The following CA10 variants were observed in gnomAD, a reference collection of about 807,000 sequenced individuals.
The protein encoded by CA10 is carbonic anhydrase 10 (inactive).
Under a neutral mutation model 44.2 loss-of-function variants are expected in CA10, and 14 were observed. The ratio of observed to expected loss-of-function variants is 0.32; its 90% CI spans 0.21 to 0.50. CA10 has a LOEUF of 0.50. Ranked by LOEUF, CA10 falls within the 20% of genes least tolerant of loss-of-function variation. The probability of loss-of-function intolerance (pLI) is 0.99; values close to 1 mark genes in which losing one functional copy is unlikely to be tolerated. For synonymous variants in CA10, 159 were observed against 141.6 expected, an observed-to-expected ratio of 1.12 and a Z score of -0.87; for missense variants, 350 against 409.7, an observed-to-expected ratio of 0.85 and a Z score of 1.26.
chr17:51,981,071 G>A (rs926028786), intron 2 of CA10, among the ~76,000 whole-genome samples: 1 of 152,064 alleles, frequency 6.6e-6, no homozygotes, highest in African/African-American at 2.4e-5. Flanking sequence ...ATACATTGCT[G>A]TTGCAAGTAT....
chr17:51,679,464 T>G (rs1373162100), intron 4 of CA10, among the ~76,000 whole-genome samples: 1 of 151,930 alleles, frequency 6.6e-6, no homozygotes, highest in Non-Finnish European at 1.5e-5. Context: ...GGTTTCACCG[T>G]GTTAGCCAGG....
At chr17:52,049,866 C>T (rs1987009607) in intron 2 of CA10, among the ~76,000 whole-genome samples, 1 of 152,034 alleles carries the variant, frequency 6.6e-6, no homozygotes, top group African/African-American at 2.4e-5. Context: ...TACTGGAATA[C>T]CATATGTTTT....
chr17:51,779,074 A>G (rs1404105588), intron 3 of CA10, among the ~76,000 whole-genome samples: 1 of 152,146 alleles, frequency 6.6e-6, no homozygotes, highest in Non-Finnish European at 1.5e-5. Flanking sequence ...CTATAATAAT[A>G]CTGAAGCCCT....
intron 3 of CA10, among the ~76,000 whole-genome samples, chr17:51,789,121 T>G (rs1204283314): frequency 6.6e-6 from 1 of 152,068 alleles, no homozygotes; most frequent in African/African-American, 2.4e-5. Context: ...TTCAAGCAAT[T>G]CTCCTGCCTC....
intron 3 of CA10, among the ~76,000 whole-genome samples, chr17:51,858,058 T>G (rs1340442723): frequency 6.6e-6 from 1 of 152,126 alleles, no homozygotes; most frequent in Non-Finnish European, 1.5e-5. Context: ...TATAACTATA[T>G]TATTATGTAA....
At chr17:51,975,630 G>C (rs1984435927) in intron 2 of CA10, among the ~76,000 whole-genome samples, 1 of 152,204 alleles carries the variant, frequency 6.6e-6, no homozygotes, top group African/African-American at 2.4e-5. Context: ...GATGAGGCGA[G>C]ATCGCCTCAC....
intron 2 of CA10, among the ~76,000 whole-genome samples, chr17:51,942,410 C>G (rs921061717): frequency 6.6e-6 from 1 of 151,842 alleles, no homozygotes; most frequent in Non-Finnish European, 1.5e-5. Context: ...TATTTTTTAT[C>G]GAGGTGCTAG....
At chr17:51,691,372 A>G (rs1418978043) in intron 4 of CA10, among the ~76,000 whole-genome samples, 1 of 152,180 alleles carries the variant, frequency 6.6e-6, no homozygotes, top group Non-Finnish European at 1.5e-5. Context: ...TCGGTATGTC[A>G]TTTTGAGAAC....
intron 1 of CA10, among the ~76,000 whole-genome samples, chr17:52,102,056 G>A (rs2938139): frequency 0.5 from 76,366 of 151,970 alleles, 21,493 homozygotes; most frequent in Non-Finnish European, 0.64. Flanking sequence ...GCTCTCCAAA[G>A]TCCCTCCTTA....
At chr17:51,685,921 T>A (rs537779832) in intron 4 of CA10, among the ~76,000 whole-genome samples, 1 of 152,358 alleles carries the variant, frequency 6.6e-6, no homozygotes, top group Non-Finnish European at 1.5e-5. Flanking sequence ...CTGTTGCTGC[T>A]TAAGCTCCTT....
intron 3 of CA10, among the ~76,000 whole-genome samples, chr17:51,921,836 C>T (rs1458700497): frequency 6.6e-6 from 1 of 152,180 alleles, no homozygotes; most frequent in African/African-American, 2.4e-5. Context: ...GAATCTGTGA[C>T]ATTTTATGTA....
intron 4 of CA10, among the ~76,000 whole-genome samples, chr17:51,703,624 T>C (rs182772432): frequency 2.0e-5 from 3 of 152,170 alleles, no homozygotes; most frequent in Non-Finnish European, 4.4e-5. Context: ...TCAAGTAATA[T>C]TTCATCAGCA....
chr17:52,059,700 A>G (rs910421104), intron 2 of CA10, among the ~76,000 whole-genome samples: 3 of 151,988 alleles, frequency 2.0e-5, no homozygotes, highest in African/African-American at 7.2e-5. Flanking sequence ...GAAAAAAAAA[A>G]AAGAAAACTC....
At chr17:52,079,943 A>G (rs1160888915) in intron 1 of CA10, among the ~76,000 whole-genome samples, 1 of 152,228 alleles carries the variant, frequency 6.6e-6, no homozygotes, top group Non-Finnish European at 1.5e-5. Context: ...CAAACTAGAC[A>G]GGACACTCAG....
intron 3 of CA10, among the ~76,000 whole-genome samples, chr17:51,782,653 C>A (rs887067477): frequency 5.9e-5 from 9 of 152,178 alleles, no homozygotes; most frequent in African/African-American, 1.9e-4. Flanking sequence ...CCCCCTTGAC[C>A]AAGAGGGATG....
intron 4 of CA10, among the ~76,000 whole-genome samples, chr17:51,675,152 A>T (rs536560980): frequency 6.6e-6 from 1 of 152,314 alleles, no homozygotes; most frequent in Non-Finnish European, 1.5e-5. Context: ...AGGCAGCCGG[A>T]GGAGGGAAAA....
chr17:51,965,198 A>G (rs966293765), intron 2 of CA10, among the ~76,000 whole-genome samples: 2 of 151,986 alleles, frequency 1.3e-5, no homozygotes, highest in Non-Finnish European at 2.9e-5. Context: ...CTGAATCAGG[A>G]AGAAATTGAA....
At chr17:52,109,141 T>C (rs1452619049) in intron 1 of CA10, among the ~76,000 whole-genome samples, 1 of 152,062 alleles carries the variant, frequency 6.6e-6, no homozygotes, top group South Asian at 2.1e-4. Context: ...AGGAAGGGAG[T>C]CATAGGGGCA....
intron 2 of CA10, among the ~76,000 whole-genome samples, chr17:51,993,831 T>C (rs968825254): frequency 6.6e-6 from 1 of 152,054 alleles, no homozygotes; most frequent in East Asian, 1.9e-4. Context: ...CTTCCTTTGT[T>C]CTTTTATTGA....
Sources: gnomAD v4.1 joint callset for allele counts (sites outside exome capture counted in the v4.1 genomes callset) on GRCh38, gnomAD v4.1.1 for gene constraint, MANE v1.5 for transcripts, NCBI Gene and HGNC (gene_info 2026-07-23, HGNC 2026-07-21) for gene names.